The following KBTBD2 variants were observed in gnomAD, a reference collection of about 807,000 sequenced individuals.
KBTBD2 encodes kelch repeat and BTB domain-containing protein 2.
KBTBD2 carries 17 observed loss-of-function variants against 57.1 expected under a neutral mutation model. That is an observed-to-expected ratio of 0.30 (90% CI 0.20 to 0.45). The LOEUF is 0.45. Ranked by LOEUF, KBTBD2 falls within the 20% of genes least tolerant of loss-of-function variation. KBTBD2 has a pLI of 1.00. For synonymous variants in KBTBD2, 267 were observed against 262.7 expected (o/e 1.02, Z -0.16); for missense variants, 515 against 750.6 (o/e 0.69, Z 3.67).
intron 1 of KBTBD2, among the ~76,000 whole-genome samples, chr7:32,888,968 G>A (rs1253230394): frequency 6.6e-6 from 1 of 152,122 alleles, no homozygotes; most frequent in Non-Finnish European, 1.5e-5. Flanking sequence ...CTTTTATTTT[G>A]GGTATCACTT....
chr7:32,883,620 A>G (rs1266237691), intron 1 of KBTBD2, among the ~76,000 whole-genome samples: 2 of 152,222 alleles, frequency 1.3e-5, no homozygotes, highest in African/African-American at 4.8e-5. Context: ...ATATCATTCT[A>G]TATCTAAAAT....
rs1421612533 is a variant in KBTBD2, at chr7:32,869,488, T to C, written c.1729A>G (p.Arg577Gly). Residue 577 changes from arginine (R) to glycine (G), a missense_variant, in exon 4 of 4, where the codon AGA (arginine) becomes GGA (glycine). Transcript: ENST00000304056. ...TTCCCCACAGTGCATCGAAAATCTC[T>C]CCCCAAGTCCCACAGTACACGTTCA... is the stretch of plus-strand genomic sequence containing the variant. ...ISERVLWDLG[R>G]DFRCTVGKLY... is the part of the protein sequence containing the mutation. 8 of 1,613,964 alleles carry C rather than the reference T, an allele frequency of 5.0e-6. No individual in the cohort carries two copies. The highest frequency in any genetic ancestry group is 4.4e-5 in the South Asian group (4 of 91,084).
chr7:32,883,885 C>A (rs1444527252), intron 1 of KBTBD2, among the ~76,000 whole-genome samples: 1 of 152,202 alleles, frequency 6.6e-6, no homozygotes, highest in Admixed American at 6.5e-5. Context: ...AGCTGTCATT[C>A]AAAAACATGG....
At chr7:32,883,019 ATAAAAT>A (rs1038204106) in intron 1 of KBTBD2, among the ~76,000 whole-genome samples, 16 of 152,216 alleles carry the variant, frequency 1.1e-4, no homozygotes, top group African/African-American at 3.9e-4. Flanking sequence ...AAAATAATAA[ATAAAAT>A]TAAGTATCTC....
intron 1 of KBTBD2, among the ~76,000 whole-genome samples, chr7:32,880,583 T>C (rs1278802940): frequency 6.6e-6 from 1 of 151,390 alleles, no homozygotes; most frequent in East Asian, 1.9e-4. Flanking sequence ...AATGGGTATA[T>C]GTTCCTACCC....
chr7:32,881,680 C>T (rs1248811211), intron 1 of KBTBD2, among the ~76,000 whole-genome samples: 3 of 152,182 alleles, frequency 2.0e-5, no homozygotes, highest in Non-Finnish European at 2.9e-5. Flanking sequence ...CAGCATGTCA[C>T]ACTATAAATC....
intron 2 of KBTBD2, among the ~76,000 whole-genome samples, chr7:32,878,941 C>T (rs1389249216): frequency 6.6e-6 from 1 of 152,088 alleles, no homozygotes; most frequent in East Asian, 1.9e-4. Context: ...TTAAATCTGG[C>T]AAAGAGTCTA....
intron 3 of KBTBD2, 41 bp from the exon 4 acceptor site, chr7:32,870,921 GGACA>G: frequency 8.2e-7 from 1 of 1,225,768 alleles, no homozygotes; most frequent in Non-Finnish European, 1.1e-6. Flanking sequence ...GATAGGGCCA[GGACA>G]GACACATTTT....
chr7:32,879,199 T>C (rs184437052), intron 2 of KBTBD2, among the ~76,000 whole-genome samples: 96 of 152,322 alleles, frequency 6.3e-4, no homozygotes, highest in African/African-American at 2.2e-3. Flanking sequence ...TAAACCTTTC[T>C]GCCTTCCCAA....
chr7:32,874,214 A>G, intron 3 of KBTBD2, among the ~76,000 whole-genome samples: 1 of 151,886 alleles, frequency 6.6e-6, no homozygotes, highest in East Asian at 1.9e-4. Flanking sequence ...TCTGGCTAAC[A>G]ACGGTGAAAC....
chr7:32,883,649 G>A (rs1225739313), intron 1 of KBTBD2, among the ~76,000 whole-genome samples: 1 of 152,170 alleles, frequency 6.6e-6, no homozygotes, highest in Non-Finnish European at 1.5e-5. Flanking sequence ...AAACGTCACA[G>A]ACCCTGTTAT....
At position 32,883,784 on chromosome 7, in the gene KBTBD2, A is replaced by C. The variant is rs142483190; in HGVS notation, c.-338-3842T>G. ...TTGAATACTAAGTGCCAATCATTGC[A>C]CTTTACATACTCGGATTCAGAGAAG... On this transcript the variant is annotated intron_variant, in intron 1 of 3. Transcript: ENST00000304056. Among the ~76,000 whole-genome samples the C allele has an allele frequency of 3.9e-5, 6 of 152,354 alleles. No individual in the cohort carries two copies. The East Asian group carries it at 9.6e-4, about 24-fold the overall frequency.
intron 2 of KBTBD2, 60 bp from the exon 3 acceptor site, chr7:32,875,217 T>G: frequency 7.0e-7 from 1 of 1,428,592 alleles, no homozygotes; most frequent in South Asian, 1.2e-5. Context: ...AATGTAGAGC[T>G]GAAAAGAACA....
intron 2 of KBTBD2, 52 bp from the exon 3 acceptor site, chr7:32,875,209 T>C (rs764252723): frequency 6.7e-6 from 10 of 1,484,646 alleles, no homozygotes; most frequent in Non-Finnish European, 9.3e-6. Context: ...GTAAAACAAA[T>C]GTAGAGCTGA....
At chr7:32,877,577 G>A (rs1461097200) in intron 2 of KBTBD2, among the ~76,000 whole-genome samples, 2 of 152,158 alleles carry the variant, frequency 1.3e-5, no homozygotes, top group African/African-American at 4.8e-5. Context: ...AGCATTAGAT[G>A]TAAAGATCTC....
At position 32,870,853 on chromosome 7, in the gene KBTBD2, C is replaced by T; in HGVS notation, c.364G>A (p.Glu122Lys). 6.3e-7 allele frequency: 1 copy of T among 1,587,076 alleles called. No individual in the cohort carries two copies. The highest frequency in any genetic ancestry group is 8.5e-7 in the Non-Finnish European group (1 of 1,171,516). Residue 122 changes from glutamate to lysine, a missense_variant, in exon 4 of 4, where the codon GAA becomes AAA. Glu to Lys is a moderately conservative substitution (Grantham distance 56). Transcript: ENST00000304056. ...GCATTTATTTTTTTAATTAAATATT[C>T]TCGACAACGTTGTAACACATCTTCT... Reference protein sequence around the residue: ...QVEDVLQRCREYLIKKINAEN... With the variant: ...QVEDVLQRCRKYLIKKINAEN...
rs564880984 is a variant in KBTBD2 at position 32,889,424 on chromosome 7, A to T, written c.-339+2112T>A. ...GAGACCAGCCTGACCAACATGGTGA[A>T]CCCTCATCTCTACTAAAAATACAAA... is the stretch of plus-strand genomic sequence containing the variant. On this transcript the variant is annotated intron_variant, in intron 1 of 3. Transcript: ENST00000304056. 8.6e-5 allele frequency among the ~76,000 whole-genome samples: 13 copies of T among 152,040 alleles called. No homozygotes were observed. The South Asian group carries it at 2.7e-3, about 32-fold the overall frequency.
intron 1 of KBTBD2, among the ~76,000 whole-genome samples, chr7:32,888,785 T>G (rs1164458384): frequency 6.6e-6 from 1 of 151,906 alleles, no homozygotes; most frequent in East Asian, 1.9e-4. Flanking sequence ...ACCATACTGA[T>G]AGATGACATG....
intron 2 of KBTBD2, among the ~76,000 whole-genome samples, chr7:32,877,433 T>C (rs556111290): frequency 6.6e-6 from 1 of 152,332 alleles, no homozygotes; most frequent in African/African-American, 2.4e-5. Context: ...CTATAAATGT[T>C]ACCAAGAAAT....
Sources: allele counts gnomAD v4.1 joint callset (sites outside exome capture counted in the v4.1 genomes callset), GRCh38; gene constraint gnomAD v4.1.1; transcripts MANE v1.5; gene names NCBI Gene and HGNC (gene_info 2026-07-23, HGNC 2026-07-21).